The following LRP1B variants were observed in gnomAD, a reference collection of about 807,000 sequenced individuals.
The protein encoded by LRP1B is LDL receptor related protein 1B.
A neutral mutation model predicts 556.6 loss-of-function variants in LRP1B; 217 were observed. That is an observed-to-expected ratio of 0.39 (90% confidence interval 0.35 to 0.44). The LOEUF (loss-of-function observed/expected upper bound fraction) is 0.44, where lower values mean the gene tolerates loss of function less well. Ranked by LOEUF, LRP1B falls within the 20% of genes least tolerant of loss-of-function variation. The pLI is 1.00. For synonymous variants in LRP1B, 2,047 were observed against 1,865.8 expected, an observed-to-expected ratio of 1.10 and a Z score of -2.50; for missense variants, 5,053 against 5,620.8, an observed-to-expected ratio of 0.90 and a Z score of 3.23.
At chr2:140,896,950 C>G (rs998019482) in intron 23 of LRP1B, among the ~76,000 whole-genome samples, 2 of 152,148 alleles carry the variant, frequency 1.3e-5, no homozygotes, top group East Asian at 3.9e-4. Context: ...CCAGTAGTAA[C>G]TAGTCAATTC....
At position 140,502,937 on chromosome 2, in the gene LRP1B, A is replaced by G. The variant is rs770579804; in HGVS notation, c.8662+26T>C. 2.5e-6 allele frequency: 4 copies of G among 1,608,808 alleles called. No homozygotes were observed. The South Asian group carries it at 3.3e-5, about 13-fold the overall frequency. On this transcript the variant is annotated intron_variant, in intron 54 of 90. Transcript: ENST00000389484. ...TTCCATTGAAAACACTTTAGAGTAA[A>G]TGCGGTATTGTATATATTTCTGTAC...
intron 79 of LRP1B, among the ~76,000 whole-genome samples, chr2:140,326,084 T>C (rs1680461078): frequency 6.6e-6 from 1 of 152,140 alleles, no homozygotes; most frequent in East Asian, 1.9e-4. Flanking sequence ...TACATGGCAT[T>C]TACTTAACAA....
At chr2:140,239,390 C>T in intron 88 of LRP1B, 52 bp downstream of exon 88, 1 of 1,124,514 alleles carries the variant, frequency 8.9e-7, no homozygotes, top group Non-Finnish European at 1.3e-6. Flanking sequence ...TGTTTCTGCA[C>T]CTAGTTGTGT....
At chr2:141,467,755 T>A (rs1312539884) in intron 3 of LRP1B, among the ~76,000 whole-genome samples, 2 of 149,112 alleles carry the variant, frequency 1.3e-5, no homozygotes, top group African/African-American at 4.9e-5. Flanking sequence ...CAAATCATTT[T>A]AGGTGAAATG....
chr2:140,613,555 A>G (rs1451396393), intron 41 of LRP1B, among the ~76,000 whole-genome samples: 1 of 150,934 alleles, frequency 6.6e-6, no homozygotes, highest in Non-Finnish European at 1.5e-5. Context: ...GACCCCTGAC[A>G]ATGATTATCT....
At chr2:141,423,454 A>G (rs1337023862) in intron 3 of LRP1B, among the ~76,000 whole-genome samples, 1 of 152,106 alleles carries the variant, frequency 6.6e-6, no homozygotes, top group African/African-American at 2.4e-5. Context: ...TGCTGCATCA[A>G]GATTATAAAC....
chr2:141,961,453 T>C (rs2105055271), intron 1 of LRP1B, among the ~76,000 whole-genome samples: 1 of 151,846 alleles, frequency 6.6e-6, no homozygotes, highest in South Asian at 2.1e-4. Flanking sequence ...AAGGTGAGTT[T>C]TTTAAAAAGG....
At chr2:141,459,375 G>A (rs184669542) in intron 3 of LRP1B, among the ~76,000 whole-genome samples, 10 of 152,158 alleles carry the variant, frequency 6.6e-5, no homozygotes, top group African/African-American at 1.4e-4. Flanking sequence ...GCTTCCTCAC[G>A]GATCCTGCTA....
rs150363892 is a variant in LRP1B at position 141,319,800 on chromosome 2, G to A, written c.344-65159C>T. On this transcript the variant is annotated intron_variant, in intron 3 of 90. Transcript: ENST00000389484. The stretch of plus-strand genomic sequence containing the variant: ...TTATAGAGCAACATGTAATACATGA[G>A]TCAAGTCTGTCTTGCTGGGTTACAA... Among the ~76,000 whole-genome samples the A allele has an allele frequency of 2.8e-3, 427 of 152,200 alleles. 3 individuals carry two copies. The highest frequency in any genetic ancestry group is 8.8e-3 in the African/African-American group (365 of 41,544).
chr2:141,552,323 C>A (rs865945945), intron 2 of LRP1B, among the ~76,000 whole-genome samples: 3 of 151,990 alleles, frequency 2.0e-5, no homozygotes, highest in African/African-American at 7.2e-5. Context: ...ACTCAAAGGT[C>A]TAGTACTCCA....
At chr2:141,251,906 T>C (rs1684275366) in intron 4 of LRP1B, among the ~76,000 whole-genome samples, 1 of 152,102 alleles carries the variant, frequency 6.6e-6, no homozygotes, top group Non-Finnish European at 1.5e-5. Context: ...CTCATATCCC[T>C]CAGAGTGTTC....
chr2:140,257,488 G>A (rs1188070964), intron 86 of LRP1B, among the ~76,000 whole-genome samples: 3 of 152,108 alleles, frequency 2.0e-5, no homozygotes, highest in East Asian at 3.9e-4. Context: ...CTACGTAATT[G>A]TTCTTTATTA....
intron 3 of LRP1B, among the ~76,000 whole-genome samples, chr2:141,474,266 T>C (rs1352429359): frequency 1.3e-5 from 2 of 152,186 alleles, no homozygotes; most frequent in Non-Finnish European, 2.9e-5. Flanking sequence ...AATTTCTTTT[T>C]AGAAAATTTG....
intron 11 of LRP1B, among the ~76,000 whole-genome samples, chr2:141,047,695 G>A (rs916834622): frequency 2.6e-5 from 4 of 151,988 alleles, no homozygotes; most frequent in Non-Finnish European, 5.9e-5. Flanking sequence ...GCATTTTAGT[G>A]CCTTTCACTT....
intron 2 of LRP1B, among the ~76,000 whole-genome samples, chr2:141,758,933 G>C (rs557796433): frequency 6.6e-5 from 10 of 152,136 alleles, no homozygotes; most frequent in African/African-American, 2.2e-4. Context: ...ATATTTTCAT[G>C]AATCAAATGT....
chr2:141,987,305 T>G (rs1702220640), intron 1 of LRP1B, among the ~76,000 whole-genome samples: 1 of 152,014 alleles, frequency 6.6e-6, no homozygotes, highest in South Asian at 2.1e-4. Context: ...AAAAAAATAC[T>G]CAATTACATC....
At chr2:141,136,512 T>G (rs1701496187) in intron 7 of LRP1B, among the ~76,000 whole-genome samples, 3 of 151,702 alleles carry the variant, frequency 2.0e-5, no homozygotes, top group African/African-American at 7.3e-5. Flanking sequence ...CTTTAAATTT[T>G]ATTTCCTTTC....
intron 20 of LRP1B, among the ~76,000 whole-genome samples, chr2:140,924,748 C>A (rs1427235007): frequency 1.3e-5 from 2 of 152,100 alleles, no homozygotes; most frequent in African/African-American, 2.4e-5. Flanking sequence ...CTATCTAATT[C>A]ATTCTCACTT....
chr2:141,341,474 T>C (rs1461594357), intron 3 of LRP1B, among the ~76,000 whole-genome samples: 1 of 152,166 alleles, frequency 6.6e-6, no homozygotes, highest in Non-Finnish European at 1.5e-5. Context: ...TCCCTCCCTC[T>C]CTCTATGATG....
Sources: allele counts gnomAD v4.1 joint callset (sites outside exome capture counted in the v4.1 genomes callset), GRCh38; gene constraint gnomAD v4.1.1; transcripts MANE v1.5; gene names NCBI Gene and HGNC (gene_info 2026-07-23, HGNC 2026-07-21).